The following ZNF532 variants were observed in gnomAD, a reference collection of about 807,000 sequenced individuals.
ZNF532 encodes zinc finger protein 532.
In ZNF532, 22 loss-of-function variants were observed where a neutral mutation model predicts 89.3. The observed-to-expected ratio is 0.25, with a 90% CI of 0.18 to 0.35. ZNF532 has a LOEUF of 0.35. Ranked by LOEUF, ZNF532 falls within the 10% of genes least tolerant of loss-of-function variation. ZNF532 has a pLI of 1.00. For synonymous variants in ZNF532, 606 were observed against 649.6 expected, an observed-to-expected ratio of 0.93 and a Z score of 1.02; for missense variants, 1,132 against 1,643.4, an observed-to-expected ratio of 0.69 and a Z score of 5.38.
At chr18:58,936,682 A>G (rs2062500870) in intron 4 of ZNF532, among the ~76,000 whole-genome samples, 1 of 152,114 alleles carries the variant, frequency 6.6e-6, no homozygotes, top group Admixed American at 6.5e-5. Context: ...TTGAGGCTAT[A>G]TGGGGCTGGT....
Position 58,890,236 on chromosome 18 carries a change from T to A in ZNF532, c.-18+24657T>A, listed in dbSNP as rs185223694. ...CACTCCAGCCTGGGGAGGAAAAATATATATATATATGAGTTATATATATAT... is the reference window on the plus strand; with the variant it reads ...CACTCCAGCCTGGGGAGGAAAAATAAATATATATATGAGTTATATATATAT... On this transcript the variant is annotated intron_variant, in intron 2 of 9. Coordinates refer to ENST00000591808, the MANE Select transcript of ZNF532 (RefSeq NM_001375912.1). 2.2e-3 allele frequency among the ~76,000 whole-genome samples: 333 copies of A among 151,688 alleles called. 2 individuals carry two copies. The highest frequency in any genetic ancestry group is 6.8e-3 in the Middle Eastern group (2 of 292).
intron 7 of ZNF532, among the ~76,000 whole-genome samples, chr18:58,969,503 G>A (rs1046470537): frequency 6.6e-6 from 1 of 152,146 alleles, no homozygotes; most frequent in African/African-American, 2.4e-5. Flanking sequence ...ACCTTCCTGG[G>A]ACACTCTAAG....
At chr18:58,960,383 T>C (rs182505992) in intron 7 of ZNF532, among the ~76,000 whole-genome samples, 363 of 152,298 alleles carry the variant, frequency 2.4e-3, no homozygotes, top group Middle Eastern at 6.8e-3. Flanking sequence ...GAAAGGAGAT[T>C]GCAAATATAT....
intron 2 of ZNF532, among the ~76,000 whole-genome samples, chr18:58,888,868 A>ATT (rs1301154103): frequency 2.4e-5 from 1 of 42,238 alleles, no homozygotes; most frequent in Non-Finnish European, 3.8e-5. Flanking sequence ...ATATATATAT[A>ATT]ATATATATTA....
intron 2 of ZNF532, among the ~76,000 whole-genome samples, chr18:58,894,842 A>G (rs1253007700): frequency 3.3e-5 from 5 of 152,204 alleles, no homozygotes; most frequent in Admixed American, 6.5e-5. Flanking sequence ...ATGTACATGA[A>G]CATTTTGGGA....
At chr18:58,979,318 A>G (rs2067427597) in intron 8 of ZNF532, 151 bp downstream of exon 8, 3 of 490,752 alleles carry the variant, frequency 6.1e-6, no homozygotes, top group African/African-American at 3.9e-5. Context: ...GAGTTTTTGG[A>G]TTGGGTTGTC....
intron 5 of ZNF532, among the ~76,000 whole-genome samples, chr18:58,940,939 C>CACACACACACAT (rs2062937366): frequency 7.1e-6 from 1 of 140,596 alleles, no homozygotes; most frequent in African/African-American, 2.5e-5. Context: ...CACACACACA[C>CACACACACACAT]ACACACACAC....
At position 58,967,861 on chromosome 18, in the gene ZNF532, C is replaced by T. The variant is rs1235674815; in HGVS notation, c.3151-11194C>T. ...GTTGCAAGCCTTTGGCCAGAATTGC[C>T]GGCCGAAAGGGAGTGGTTCAGTGCA... is the stretch of plus-strand genomic sequence containing the variant. On this transcript the variant is annotated intron_variant, in intron 7 of 9. Coordinates refer to ENST00000591808, the MANE Select transcript of ZNF532 (RefSeq NM_001375912.1). Among the ~76,000 whole-genome samples, 3 of 152,110 alleles carry T rather than the reference C, an allele frequency of 2.0e-5. No individual in the cohort carries two copies. The South Asian group carries it at 6.2e-4, about 32-fold the overall frequency.
chr18:58,971,402 G>T (rs980475528), intron 7 of ZNF532, among the ~76,000 whole-genome samples: 1 of 152,184 alleles, frequency 6.6e-6, no homozygotes, highest in Admixed American at 6.5e-5. Context: ...GTGAAACAGT[G>T]GTCTCAATCA....
chr18:58,982,810 G>GTGAGT (rs772284420), intron 9 of ZNF532, among the ~76,000 whole-genome samples: 9 of 151,936 alleles, frequency 5.9e-5, no homozygotes, highest in Non-Finnish European at 1.3e-4. Context: ...GCTCCTGGTG[G>GTGAGT]TGAGTTAAAG....
chr18:58,926,534 G>C (rs1341850860), intron 3 of ZNF532, among the ~76,000 whole-genome samples: 1 of 152,124 alleles, frequency 6.6e-6, no homozygotes, highest in Non-Finnish European at 1.5e-5. Flanking sequence ...ACAGGGTTGA[G>C]ATGGGGTTTC....
chr18:58,930,701 T>C (rs1292818749), intron 3 of ZNF532, among the ~76,000 whole-genome samples: 2 of 151,362 alleles, frequency 1.3e-5, no homozygotes, highest in Non-Finnish European at 2.9e-5. Context: ...CCCCTTCAGA[T>C]ACCAACATCT....
intron 2 of ZNF532, among the ~76,000 whole-genome samples, chr18:58,895,562 G>A (rs2059189218): frequency 6.6e-6 from 1 of 152,182 alleles, no homozygotes; most frequent in Admixed American, 6.5e-5. Flanking sequence ...GTGACGGACG[G>A]GCCTGCCTGT....
At chr18:58,942,160 C>A (rs1038607941) in intron 5 of ZNF532, among the ~76,000 whole-genome samples, 3 of 151,358 alleles carry the variant, frequency 2.0e-5, no homozygotes, top group African/African-American at 7.3e-5. Flanking sequence ...GTAGCTGGGA[C>A]TACAGGCGCC....
chr18:58,911,534 G>C (rs1379536572), intron 2 of ZNF532, among the ~76,000 whole-genome samples: 1 of 151,562 alleles, frequency 6.6e-6, no homozygotes, highest in Non-Finnish European at 1.5e-5. Context: ...GACCAGTCTG[G>C]GTGAGAGCAA....
intron 4 of ZNF532, among the ~76,000 whole-genome samples, chr18:58,934,954 A>G (rs1467114356): frequency 6.6e-6 from 1 of 152,108 alleles, no homozygotes; most frequent in Non-Finnish European, 1.5e-5. Flanking sequence ...CAAGAAAACT[A>G]TACATTCCGC....
chr18:58,963,612 TG>T, intron 7 of ZNF532, among the ~76,000 whole-genome samples: 2 of 75,864 alleles, frequency 2.6e-5, no homozygotes, highest in Non-Finnish European at 7.0e-5. Context: ...AATGTGTGTG[TG>T]TGTGTGTGTG....
intron 2 of ZNF532, among the ~76,000 whole-genome samples, chr18:58,865,843 G>A (rs967353194): frequency 2.0e-5 from 3 of 152,202 alleles, no homozygotes; most frequent in South Asian, 4.1e-4. Flanking sequence ...GTGGAGAATG[G>A]TAGGCGTCAG....
chr18:58,895,732 C>T (rs1186026104), intron 2 of ZNF532, among the ~76,000 whole-genome samples: 1 of 152,186 alleles, frequency 6.6e-6, no homozygotes, highest in Non-Finnish European at 1.5e-5. Context: ...CCTCACACTC[C>T]TTGTTGCTAA....
Sources: gnomAD v4.1 joint callset for allele counts (sites outside exome capture counted in the v4.1 genomes callset) on GRCh38, gnomAD v4.1.1 for gene constraint, MANE v1.5 for transcripts, NCBI Gene and HGNC (gene_info 2026-07-23, HGNC 2026-07-21) for gene names.